Variants in CABIN1 observed in about 807,000 individuals in gnomAD.
The protein encoded by CABIN1 is calcineurin-binding protein cabin-1.
Under a neutral mutation model 227.7 loss-of-function variants are expected in CABIN1, and 133 were observed. The observed-to-expected ratio is 0.58, with a 90% CI of 0.51 to 0.67. The LOEUF is 0.67. Ranked by LOEUF, CABIN1 falls within the 30% of genes least tolerant of loss-of-function variation. The pLI, the probability that CABIN1 is intolerant of heterozygous loss-of-function variation, is 0.00. For synonymous variants in CABIN1, 1,086 were observed against 1,155.1 expected (o/e 0.94, Z 1.21); for missense variants, 2,408 against 2,852.5 (o/e 0.84, Z 3.55).
Position 24,059,938 on chromosome 22 carries a change from C to T in CABIN1, c.1414C>T (p.His472Tyr). The T allele has an allele frequency of 6.2e-7, 1 of 1,614,152 alleles. No homozygotes were observed. Among genetic ancestry groups the T allele is most frequent in the Non-Finnish European group, 8.5e-7 (1 of 1,179,998 alleles). Reference protein sequence around the residue: ...TFMESEKQDVHEFLLENLTNG... With the variant: ...TFMESEKQDVYEFLLENLTNG... ...TCCCCGGGCAGAAAAGCAGGACGTG[C>T]ATGAGTTCCTGCTGGAGAACCTAAC... Residue 472 changes from histidine to tyrosine, a missense_variant, in exon 12 of 37, where the codon CAT (histidine) becomes TAT (tyrosine). Transcript: ENST00000263119.
chr22:24,105,633 T>G (rs1445500805), intron 26 of CABIN1, among the ~76,000 whole-genome samples: 2 of 152,094 alleles, frequency 1.3e-5, no homozygotes, highest in Non-Finnish European at 2.9e-5. Context: ...GGTGCCTGTT[T>G]CCCTGGAAGG....
At chr22:24,041,062 T>G (rs2037329707) in intron 4 of CABIN1, 77 bp from the exon 5 acceptor site, 1 of 1,592,724 alleles carries the variant, frequency 6.3e-7, no homozygotes, top group Non-Finnish European at 8.6e-7. Context: ...GAGGCCAGCC[T>G]GGAAGCCAAG....
At chr22:24,064,453 T>C (rs909159777) in intron 15 of CABIN1, among the ~76,000 whole-genome samples, 3 of 151,696 alleles carry the variant, frequency 2.0e-5, no homozygotes, top group African/African-American at 7.3e-5. Flanking sequence ...GTGATCCACC[T>C]GTCTTGGCCT....
intron 3 of CABIN1, among the ~76,000 whole-genome samples, chr22:24,037,087 C>A (rs1322024086): frequency 1.3e-5 from 2 of 151,960 alleles, no homozygotes; most frequent in Non-Finnish European, 2.9e-5. Flanking sequence ...TGGTGAAACC[C>A]CGTCTCTACT....
chr22:24,177,997 G>T lies in CABIN1; in HGVS notation c.6520-56G>T. ...GGGCAGGGGTGAAGGTGGCAGAGGGGCTTGGGGCAGAGCCCAGCCATCCTT... is the reference window on the plus strand; with the variant it reads ...GGGCAGGGGTGAAGGTGGCAGAGGGTCTTGGGGCAGAGCCCAGCCATCCTT... On this transcript the variant is annotated intron_variant, in intron 36 of 36. Transcript: ENST00000263119. This position sits in a 1 kb window ranked among gnomAD's most constrained non-coding sequence, Gnocchi z 4.4. 6.2e-7 allele frequency: 1 copy of T among 1,609,558 alleles called. No individual in the cohort carries two copies.
intron 33 of CABIN1, among the ~76,000 whole-genome samples, chr22:24,171,253 G>A (rs920858154): frequency 1.3e-5 from 2 of 152,204 alleles, no homozygotes; most frequent in African/African-American, 4.8e-5. Flanking sequence ...GCAAACTCTT[G>A]CAGCATCCCA....
intron 1 of CABIN1, among the ~76,000 whole-genome samples, chr22:24,019,508 G>A (rs1318728016): frequency 1.3e-5 from 2 of 152,012 alleles, no homozygotes; most frequent in Non-Finnish European, 2.9e-5. Context: ...ACCCACCTCA[G>A]CCTCGCAGAG....
intron 13 of CABIN1, 47 bp downstream of exon 13, chr22:24,062,072 C>CA (rs769216829): frequency 1.4e-6 from 2 of 1,478,628 alleles, no homozygotes; most frequent in Admixed American, 3.3e-5. Context: ...TCTGAACCCC[C>CA]AGCAGCTGGG....
At chr22:24,065,869 C>T (rs1033525720) in intron 15 of CABIN1, among the ~76,000 whole-genome samples, 4 of 152,200 alleles carry the variant, frequency 2.6e-5, no homozygotes, top group South Asian at 2.1e-4. Flanking sequence ...TCAGGCGTGG[C>T]GGCGCACGCC....
rs41310246 is a variant in CABIN1 at position 24,076,181 on chromosome 22, C to T, written c.2645C>T (p.Thr882Met). ...QNPAEEGMSE[T>M]PMLPSSLMLL... Reference sequence around the variant, plus strand: ...GGGCTTTCCCTAGGGATGTCAGAGACGCCCATGCTCCCATCCTCCCTCATG... The same window carrying T: ...GGGCTTTCCCTAGGGATGTCAGAGATGCCCATGCTCCCATCCTCCCTCATG... The change falls in exon 19 of 37, where the codon ACG becomes ATG. Residue 882 changes from threonine (T) to methionine (M), a missense_variant. Thr to Met is a moderately conservative substitution (Grantham distance 81, BLOSUM62 -1). Transcript: ENST00000263119. 34 of 1,613,904 alleles carry T rather than the reference C, an allele frequency of 2.1e-5. No individual in the cohort carries two copies. The highest frequency in any genetic ancestry group is 1.5e-4 in the South Asian group (14 of 91,080).
intron 29 of CABIN1, among the ~76,000 whole-genome samples, chr22:24,157,668 G>GT (rs2045917621): frequency 6.6e-6 from 1 of 152,308 alleles, no homozygotes; most frequent in East Asian, 1.9e-4. Context: ...CCTCCAAGCT[G>GT]TTTCGCCGCT....
At chr22:24,139,908 T>C (rs895852435) in intron 29 of CABIN1, among the ~76,000 whole-genome samples, 7 of 152,126 alleles carry the variant, frequency 4.6e-5, no homozygotes, top group African/African-American at 1.7e-4. Context: ...GTTGTAGGAG[T>C]CAGGCAAAGC....
intron 26 of CABIN1, chr22:24,101,698 G>A (rs1316941225): frequency 6.6e-6 from 1 of 152,282 alleles, no homozygotes; most frequent in African/African-American, 2.4e-5. Context: ...CCACAGGGCT[G>A]AAATCCCTAA....
At chr22:24,171,035 C>G (rs941244788) in intron 33 of CABIN1, among the ~76,000 whole-genome samples, 2 of 152,164 alleles carry the variant, frequency 1.3e-5, no homozygotes, top group African/African-American at 4.8e-5. Context: ...CAAAAGTAGC[C>G]CTGTGAAAAG....
intron 25 of CABIN1, among the ~76,000 whole-genome samples, chr22:24,096,828 G>C (rs1232137203): frequency 6.6e-6 from 1 of 152,248 alleles, no homozygotes; most frequent in Non-Finnish European, 1.5e-5. Flanking sequence ...GGAGGGCTCA[G>C]CTCACCCCAT....
intron 29 of CABIN1, among the ~76,000 whole-genome samples, chr22:24,144,997 T>G (rs765989628): frequency 6.6e-6 from 1 of 152,144 alleles, no homozygotes; most frequent in Non-Finnish European, 1.5e-5. Flanking sequence ...GAGAGTGACG[T>G]TAGAGGACAT....
rs2041355553 is a variant in CABIN1, at chr22:24,088,910, C to T, written c.3525+1197C>T. On this transcript the variant is annotated intron_variant, in intron 23 of 36. Transcript: ENST00000263119. ...TGTGGATCTAGTACATTCCTTTTAACTGCTGTAACCCTATTTTATTGTAAC... is the reference window on the plus strand; with the variant it reads ...TGTGGATCTAGTACATTCCTTTTAATTGCTGTAACCCTATTTTATTGTAAC... Among the ~76,000 whole-genome samples the T allele has an allele frequency of 2.0e-5, 3 of 152,274 alleles. No individual in the cohort carries two copies. In the South Asian group the frequency reaches 6.2e-4, roughly 32 times the overall value.
At chr22:24,067,846 C>T (rs2039799198) in intron 16 of CABIN1, among the ~76,000 whole-genome samples, 1 of 152,182 alleles carries the variant, frequency 6.6e-6, no homozygotes, top group South Asian at 2.1e-4. Context: ...ATGCCTGGCA[C>T]TAGCAGGTGC....
At chr22:24,054,826 T>G (rs2038657005) in intron 8 of CABIN1, 47 bp from the exon 9 acceptor site, 1 of 1,613,596 alleles carries the variant, frequency 6.2e-7, no homozygotes, top group Non-Finnish European at 8.5e-7. Flanking sequence ...GCTTGGAGTA[T>G]TCCTCTGACA....
Sources: gnomAD v4.1 joint callset for allele counts (sites outside exome capture counted in the v4.1 genomes callset) on GRCh38, gnomAD v4.1.1 for gene constraint, Gnocchi (gnomAD v3.1) non-coding constraint, MANE v1.5 for transcripts, NCBI Gene and HGNC (gene_info 2026-07-23, HGNC 2026-07-21) for gene names.